The following IL1R1 variants were observed in gnomAD, a reference collection of about 807,000 sequenced individuals.
IL1R1 encodes interleukin-1 receptor type 1.
IL1R1 carries 22 observed loss-of-function variants against 50.2 expected under a neutral mutation model. The ratio of observed to expected loss-of-function variants is 0.44; its 90% CI spans 0.31 to 0.63. IL1R1 has a LOEUF of 0.63. IL1R1 is among the 20% of genes least tolerant of loss of function. IL1R1 has a pLI of 0.07. For synonymous variants in IL1R1, 251 were observed against 236.7 expected, an observed-to-expected ratio of 1.06 and a Z score of -0.55; for missense variants, 509 against 676.2, an observed-to-expected ratio of 0.75 and a Z score of 2.74.
intron 1 of IL1R1, among the ~76,000 whole-genome samples, chr2:102,098,290 T>A (rs551715112): frequency 6.6e-6 from 1 of 152,250 alleles, no homozygotes; most frequent in East Asian, 1.9e-4. Context: ...AACCTAGAAG[T>A]AAATCTTGTA....
At chr2:102,117,867 TC>T in intron 1 of IL1R1, among the ~76,000 whole-genome samples, 1 of 152,206 alleles carries the variant, frequency 6.6e-6, no homozygotes, top group South Asian at 2.1e-4. Flanking sequence ...CTGGGAGTTT[TC>T]CGTCAAAATC....
rs1686435885 is a variant in IL1R1, at chr2:102,179,822, G to T, written c.*3063G>T. ...AAATTCATGTACAGCATGCATCACG[G>T]ATCAATAGACTGTACTTATTTTCCA... On this transcript the variant is annotated 3_prime_UTR_variant, in exon 12 of 12. Coordinates refer to ENST00000410023, the MANE Select transcript of IL1R1 (RefSeq NM_000877.4). 1 of 152,640 alleles carries T rather than the reference G, an allele frequency of 6.6e-6. No individual in the cohort carries two copies. The highest frequency in any genetic ancestry group is 1.5e-5 in the Non-Finnish European group (1 of 68,022). 9.5% of individuals were successfully genotyped at this position (152,640 alleles called of 1,614,324 possible).
chr2:102,089,737 CT>C (rs143601621), intron 1 of IL1R1, among the ~76,000 whole-genome samples: 3,197 of 152,020 alleles, frequency 0.021, 119 homozygotes, highest in African/African-American at 0.073. Context: ...CTCTGAATGC[CT>C]TTGTTTCTCT....
At position 102,121,199 on chromosome 2, in the gene IL1R1, A is replaced by T. The variant is rs569519024; in HGVS notation, c.-84+16327A>T. Among the ~76,000 whole-genome samples, 3 of 152,246 alleles carry T rather than the reference A, an allele frequency of 2.0e-5. No individual in the cohort carries two copies. The East Asian group carries it at 5.8e-4, about 29-fold the overall frequency. On this transcript the variant is annotated intron_variant, in intron 1 of 10. Coordinates refer to the IL1R1 transcript ENST00000409329. Reference sequence around the variant, plus strand: ...ACCCAGGGGTCTGGGACATCCAGCCACCCGGTGCTGACCACCATGGACTTT... The same window carrying T: ...ACCCAGGGGTCTGGGACATCCAGCCTCCCGGTGCTGACCACCATGGACTTT...
chr2:102,124,425 C>CA (rs1681579896), intron 1 of IL1R1, among the ~76,000 whole-genome samples: 1 of 147,722 alleles, frequency 6.8e-6, no homozygotes, highest in African/African-American at 2.5e-5. Context: ...ATCTCCCCCC[C>CA]ACCACTGCCC....
intron 1 of IL1R1, among the ~76,000 whole-genome samples, chr2:102,151,115 A>C (rs1200368123): frequency 6.6e-6 from 1 of 152,200 alleles, no homozygotes; most frequent in Middle Eastern, 3.2e-3. Flanking sequence ...AGGTTTCTTT[A>C]CCTAGTATGC....
chr2:102,176,519 G>A lies in IL1R1; in HGVS notation c.1470G>A (p.Leu490=), dbSNP rs1321218597. The A allele has an allele frequency of 6.2e-7, 1 of 1,614,162 alleles. No homozygotes were observed. Reference sequence around the variant, plus strand: ...GAATTAAAGTTGTCCTGCTTGAGCTGGAGAAAATCCAAGACTATGAGAAAA... The same window carrying A: ...GAATTAAAGTTGTCCTGCTTGAGCTAGAGAAAATCCAAGACTATGAGAAAA... ...QDGIKVVLLE[L]EKIQDYEKMP... Residue 490 remains leucine (L), a synonymous_variant, in exon 12 of 12, where the codon CTG becomes CTA. Coordinates refer to ENST00000410023, the MANE Select transcript of IL1R1 (RefSeq NM_000877.4).
intron 1 of IL1R1, among the ~76,000 whole-genome samples, chr2:102,123,487 A>T (rs1465721714): frequency 6.6e-6 from 1 of 152,202 alleles, no homozygotes; most frequent in Non-Finnish European, 1.5e-5. Flanking sequence ...TACTTTGTTT[A>T]TACATAGGAC....
At chr2:102,174,849 C>A in intron 10 of IL1R1, 119 bp downstream of exon 10, 1 of 706,178 alleles carries the variant, frequency 1.4e-6, no homozygotes, top group South Asian at 2.1e-5. Context: ...GTGGCATATA[C>A]AAGAATACTA....
intron 1 of IL1R1, among the ~76,000 whole-genome samples, chr2:102,116,670 T>C (rs1364908270): frequency 6.6e-6 from 1 of 152,200 alleles, no homozygotes. Context: ...TTGTACTGTG[T>C]TAGCAATGTT....
intron 1 of IL1R1, among the ~76,000 whole-genome samples, chr2:102,105,889 T>TTTTATCCTTGATCTCCATAA (rs1271787825): frequency 5.9e-5 from 9 of 152,318 alleles, no homozygotes; most frequent in Admixed American, 2.6e-4. Context: ...TGCCTTGCAT[T>TTTTATCCTTGATCTCCATAA]TTTATCCTTG....
At chr2:102,083,786 A>T (rs972494608) in intron 1 of IL1R1, among the ~76,000 whole-genome samples, 7 of 152,086 alleles carry the variant, frequency 4.6e-5, no homozygotes, top group African/African-American at 1.7e-4. Context: ...TCTACTAAAA[A>T]TACAAAAATT....
At chr2:102,140,267 G>T (rs961002644), upstream of IL1R1, among the ~76,000 whole-genome samples, 1 of 152,196 alleles carries the variant, frequency 6.6e-6, no homozygotes, top group Non-Finnish European at 1.5e-5. Context: ...TGGGCCATAG[G>T]AGATGCTTTA....
At chr2:102,116,150 A>G (rs1335056802) in intron 1 of IL1R1, among the ~76,000 whole-genome samples, 3 of 152,244 alleles carry the variant, frequency 2.0e-5, no homozygotes, top group African/African-American at 7.2e-5. Context: ...GAGATGGTTC[A>G]GATGTCCCCC....
chr2:102,158,541 C>T (rs1684413637), intron 3 of IL1R1, among the ~76,000 whole-genome samples: 1 of 152,140 alleles, frequency 6.6e-6, no homozygotes, highest in Non-Finnish European at 1.5e-5. Flanking sequence ...TGGAAATATT[C>T]CAGTCAGCAT....
chr2:102,088,546 A>G (rs961118206), intron 1 of IL1R1, among the ~76,000 whole-genome samples: 2 of 152,196 alleles, frequency 1.3e-5, no homozygotes, highest in East Asian at 3.8e-4. Flanking sequence ...GGTAGAGTAG[A>G]TGTAGCCTAA....
At chr2:102,150,924 A>T (rs1683595293) in intron 1 of IL1R1, among the ~76,000 whole-genome samples, 1 of 152,224 alleles carries the variant, frequency 6.6e-6, no homozygotes, top group Non-Finnish European at 1.5e-5. Context: ...TGAGTAAGTT[A>T]ATCCTTTTCT....
At chr2:102,074,693 C>A (rs527526165) in intron 1 of IL1R1, among the ~76,000 whole-genome samples, 1 of 152,296 alleles carries the variant, frequency 6.6e-6, no homozygotes, top group Non-Finnish European at 1.5e-5. Context: ...CAGTCAGGAG[C>A]ACCCATTTTC....
chr2:102,071,474 T>C (rs1678716195), intron 1 of IL1R1, among the ~76,000 whole-genome samples: 1 of 152,212 alleles, frequency 6.6e-6, no homozygotes, highest in African/African-American at 2.4e-5. Flanking sequence ...TATTGTAAGA[T>C]TGTGTCATAA....
Sources: allele counts gnomAD v4.1 joint callset (sites outside exome capture counted in the v4.1 genomes callset), GRCh38; gene constraint gnomAD v4.1.1; transcripts MANE v1.5; gene names NCBI Gene and HGNC (gene_info 2026-07-23, HGNC 2026-07-21).